SPI1: variants seen among roughly 807,000 people sequenced by gnomAD.
The protein encoded by SPI1 is Spi-1 proto-oncogene, also known as transcription factor PU.1.
SPI1 carries 3 observed loss-of-function variants against 30.7 expected under a neutral mutation model. The observed-to-expected ratio is 0.10, with a 90% CI of 0.04 to 0.25. The LOEUF (loss-of-function observed/expected upper bound fraction) is 0.25. SPI1 is among the 10% of genes least tolerant of loss of function. SPI1 has a pLI of 1.00. For synonymous variants in SPI1, 169 were observed against 157.1 expected (o/e 1.08, Z -0.56); for missense variants, 261 against 371.5 (o/e 0.70, Z 2.45).
At chr11:47,356,200 C>G (rs367719957) in intron 4 of SPI1, among the ~76,000 whole-genome samples, 6 of 151,480 alleles carry the variant, frequency 4.0e-5, no homozygotes, top group South Asian at 2.1e-4. Context: ...AATGCACCAG[C>G]TCACACTCAC....
intron 2 of SPI1, among the ~76,000 whole-genome samples, chr11:47,372,568 T>C (rs1273483598): frequency 6.6e-6 from 1 of 151,938 alleles, no homozygotes; most frequent in African/African-American, 2.4e-5. Context: ...GCTGGCAGGA[T>C]GGACGAGTAG....
intron 4 of SPI1, 84 bp from the exon 5 acceptor site, chr11:47,355,630 G>C: frequency 3.2e-6 from 4 of 1,245,454 alleles, no homozygotes; most frequent in Non-Finnish European, 4.3e-6. Context: ...ACAGGGGCCC[G>C]GGGACGGGGT....
At chr11:47,356,386 C>G (rs1165021559) in intron 4 of SPI1, among the ~76,000 whole-genome samples, 1 of 151,328 alleles carries the variant, frequency 6.6e-6, no homozygotes, top group Admixed American at 6.6e-5. Context: ...ACCTCATTCA[C>G]ACCCACTCAC....
chr11:47,376,941 G>A (rs1211462081), intron 1 of SPI1, among the ~76,000 whole-genome samples: 1 of 152,214 alleles, frequency 6.6e-6, no homozygotes, highest in East Asian at 1.9e-4. Context: ...TCCACCTGGA[G>A]TTCAGAATTG....
intron 4 of SPI1, among the ~76,000 whole-genome samples, chr11:47,356,192 T>C (rs1219186241): frequency 2.0e-5 from 3 of 148,738 alleles, no homozygotes; most frequent in African/African-American, 5.0e-5. Flanking sequence ...ACCCACACAA[T>C]GCACCAGCTC....
chr11:47,367,490 G>GAGCC (rs1301662234), intron 2 of SPI1, among the ~76,000 whole-genome samples: 4 of 148,612 alleles, frequency 2.7e-5, no homozygotes, highest in African/African-American at 1.0e-4. Flanking sequence ...GGAGGTGGAG[G>GAGCC]TTGCAGTGAG....
At chr11:47,373,764 G>A (rs1367224305) in intron 2 of SPI1, among the ~76,000 whole-genome samples, 1 of 152,128 alleles carries the variant, frequency 6.6e-6, no homozygotes, top group East Asian at 1.9e-4. Flanking sequence ...GAGGAACTAG[G>A]GGTTCATGAC....
At chr11:47,362,285 A>G (rs2095921924) in intron 2 of SPI1, among the ~76,000 whole-genome samples, 1 of 152,184 alleles carries the variant, frequency 6.6e-6, no homozygotes, top group Admixed American at 6.6e-5. Context: ...TAAAGAGCCT[A>G]GATTCCCACT....
intron 4 of SPI1, among the ~76,000 whole-genome samples, chr11:47,357,252 C>T (rs1212047399): frequency 6.7e-6 from 1 of 150,278 alleles, no homozygotes; most frequent in Admixed American, 6.6e-5. Flanking sequence ...TCACACATAC[C>T]TGCTCACATA....
intron 1 of SPI1, among the ~76,000 whole-genome samples, chr11:47,376,010 C>G (rs2095941859): frequency 6.6e-6 from 1 of 151,988 alleles, no homozygotes; most frequent in African/African-American, 2.4e-5. Flanking sequence ...CACTCACACT[C>G]ACGCCTGTGT....
chr11:47,358,057 A>T (rs898911846), intron 4 of SPI1: 1 of 168,666 alleles, frequency 5.9e-6, no homozygotes, highest in African/African-American at 2.4e-5. Context: ...ACTCACATAC[A>T]TGCACAGACC....
intron 4 of SPI1, among the ~76,000 whole-genome samples, chr11:47,357,786 G>C (rs2095913829): frequency 6.6e-6 from 1 of 152,058 alleles, no homozygotes; most frequent in Non-Finnish European, 1.5e-5. Flanking sequence ...GGCTGGTCTC[G>C]AACACCTGAC....
intron 2 of SPI1, among the ~76,000 whole-genome samples, chr11:47,373,861 G>A (rs866904227): frequency 5.3e-5 from 8 of 152,122 alleles, no homozygotes; most frequent in Admixed American, 4.6e-4. Context: ...CCTGAGCCAC[G>A]AAAACACATG....
intron 2 of SPI1, among the ~76,000 whole-genome samples, chr11:47,361,497 A>AT (rs2142886199): frequency 6.6e-6 from 1 of 152,316 alleles, no homozygotes; most frequent in East Asian, 1.9e-4. Context: ...GATCTTCAGC[A>AT]TGAACACCTT....
rs970035273 is a variant in SPI1 at position 47,355,116 on chromosome 11, C to T, written c.*111G>A. The T allele has an allele frequency of 2.3e-6, 2 of 878,124 alleles. No individual in the cohort carries two copies. The highest frequency in any genetic ancestry group is 3.0e-6 in the Non-Finnish European group (2 of 669,298). The allele number at this position is 878,124 out of a possible 1,614,324, so 54.4% of individuals were successfully genotyped here. A position where few individuals can be genotyped will look rare whatever the true frequency, so the allele number is the denominator to read the frequency against. ...GCGGGTGAGGCGAGGCCCGGCCCGC[C>T]ACAGTCCTGCCTCTGGGCCCCGGGA... is the stretch of plus-strand genomic sequence containing the variant. On this transcript the variant is annotated 3_prime_UTR_variant, in exon 5 of 5. Coordinates refer to ENST00000378538, the MANE Select transcript of SPI1 (RefSeq NM_003120.3).
chr11:47,367,503 A>G (rs1047195692), intron 2 of SPI1, among the ~76,000 whole-genome samples: 1 of 148,014 alleles, frequency 6.8e-6, no homozygotes, highest in African/African-American at 2.5e-5. Flanking sequence ...GCAGTGAGCC[A>G]AGGTCACACC....
At chr11:47,356,927 A>C (rs200078216) in intron 4 of SPI1, among the ~76,000 whole-genome samples, 1 of 83,120 alleles carries the variant, frequency 1.2e-5, no homozygotes, top group Non-Finnish European at 3.2e-5. Context: ...CACACACCTC[A>C]CACCATTCAC....
In SPI1 at chr11:47,378,503, G is replaced by C. The variant is rs994626608; in HGVS notation, c.-150C>G. The stretch of plus-strand genomic sequence containing the variant: ...CCTGAGCTACAGGAGCCCTGGGTGA[G>C]CCCCCTCCCTTGACATTGCAGGGCC... On this transcript the variant is annotated 5_prime_UTR_variant, in exon 1 of 5. Coordinates refer to ENST00000378538, the MANE Select transcript of SPI1 (RefSeq NM_003120.3). 4.1e-5 allele frequency: 31 copies of C among 751,264 alleles called. No individual in the cohort carries two copies. The African/African-American group carries it at 5.3e-4, about 13-fold the overall frequency. The allele number at this position is 751,264 out of a possible 1,614,324, so 46.5% of individuals were successfully genotyped here.
At chr11:47,362,621 G>C (rs977166052) in intron 2 of SPI1, among the ~76,000 whole-genome samples, 3 of 129,760 alleles carry the variant, frequency 2.3e-5, no homozygotes, top group African/African-American at 8.9e-5. Context: ...TCTTGCCCAA[G>C]CTGGAGTGCA....
Sources: gnomAD v4.1 joint callset for allele counts (sites outside exome capture counted in the v4.1 genomes callset) on GRCh38, gnomAD v4.1.1 for gene constraint, MANE v1.5 for transcripts, NCBI Gene and HGNC (gene_info 2026-07-23, HGNC 2026-07-21) for gene names.